Variants in PRKCA observed in about 807,000 individuals in gnomAD.
The protein encoded by PRKCA is protein kinase C alpha.
A neutral mutation model predicts 87.0 loss-of-function variants in PRKCA; 27 were observed. The ratio of observed to expected loss-of-function variants is 0.31; its 90% CI spans 0.23 to 0.43. PRKCA has a LOEUF of 0.43. Among genes scored for constraint, PRKCA ranks in the 20% least tolerant of loss-of-function variants. The pLI, the probability that PRKCA is intolerant of heterozygous loss-of-function variation, is 1.00. For missense variants in PRKCA, 518 were observed against 852.3 expected (o/e 0.61, Z 4.88); for synonymous variants, 329 against 311.1 (o/e 1.06, Z -0.61).
chr17:66,450,223 G>A (rs866222448), intron 2 of PRKCA, among the ~76,000 whole-genome samples: 4 of 152,102 alleles, frequency 2.6e-5, no homozygotes, highest in African/African-American at 4.8e-5. Context: ...ATGCTCATCG[G>A]GGGCCAGCAG....
intron 2 of PRKCA, among the ~76,000 whole-genome samples, chr17:66,373,227 AT>A (rs1457453149): frequency 6.6e-6 from 1 of 152,220 alleles, no homozygotes; most frequent in Non-Finnish European, 1.5e-5. Context: ...TTGTAAAAAA[AT>A]ATCATAATAC....
At chr17:66,421,687 C>A (rs1912505800) in intron 2 of PRKCA, among the ~76,000 whole-genome samples, 1 of 151,088 alleles carries the variant, frequency 6.6e-6, no homozygotes, top group African/African-American at 2.4e-5. Context: ...CACCCGCCAC[C>A]AGGCCTGGCT....
chr17:66,697,530 C>G (rs548793994), intron 8 of PRKCA, among the ~76,000 whole-genome samples: 4 of 152,318 alleles, frequency 2.6e-5, no homozygotes, highest in African/African-American at 7.2e-5. Context: ...ACTCTCTCAC[C>G]TGTAATTCCT....
chr17:66,799,793 A>G lies in PRKCA; in HGVS notation c.1855-4080A>G, dbSNP rs543140334. Among the ~76,000 whole-genome samples, 5 of 151,916 alleles carry G rather than the reference A, an allele frequency of 3.3e-5. No homozygotes were observed. In the South Asian group the frequency reaches 1.0e-3, roughly 32 times the overall value. On this transcript the variant is annotated intron_variant, in intron 16 of 16. Coordinates refer to ENST00000413366, the MANE Select transcript of PRKCA (RefSeq NM_002737.3). The stretch of plus-strand genomic sequence containing the variant: ...TAGTAGATTGTCTATTTCCAGGGCT[A>G]CTTTTGCTAAGAGCTGTGGAAGGCT...
intron 14 of PRKCA, chr17:66,777,985 C>A (rs1322364268): frequency 3.0e-6 from 3 of 985,228 alleles, no homozygotes; most frequent in Admixed American, 1.2e-4. Flanking sequence ...TTGGGGGGTG[C>A]ATTTTGAAGC....
chr17:66,674,207 A>T (rs1002417745), intron 5 of PRKCA, among the ~76,000 whole-genome samples: 1 of 152,110 alleles, frequency 6.6e-6, no homozygotes, highest in Admixed American at 6.5e-5. Flanking sequence ...GACATGGAAC[A>T]CCTTTGGGCT....
At chr17:66,509,701 C>T (rs1395310882) in intron 3 of PRKCA, among the ~76,000 whole-genome samples, 2 of 152,260 alleles carry the variant, frequency 1.3e-5, no homozygotes, top group South Asian at 2.1e-4. Context: ...CCAGTCAAGT[C>T]GGCACATAAA....
chr17:66,636,204 TTA>T (rs1377503308), intron 3 of PRKCA, among the ~76,000 whole-genome samples: 1 of 152,192 alleles, frequency 6.6e-6, no homozygotes, highest in African/African-American at 2.4e-5. Flanking sequence ...TGGGGAGTTT[TTA>T]GGACGAGTTG....
chr17:66,343,387 A>G (rs982714802), intron 2 of PRKCA, among the ~76,000 whole-genome samples: 4 of 152,066 alleles, frequency 2.6e-5, no homozygotes, highest in Non-Finnish European at 5.9e-5. Context: ...TTTGTTATCC[A>G]TCACTGAATG....
chr17:66,587,490 A>G (rs1343843565), intron 3 of PRKCA, among the ~76,000 whole-genome samples: 5 of 152,082 alleles, frequency 3.3e-5, no homozygotes, highest in African/African-American at 1.2e-4. Context: ...TTTACTTGTT[A>G]TATATGATGA....
intron 2 of PRKCA, among the ~76,000 whole-genome samples, chr17:66,376,747 G>A (rs908045563): frequency 8.5e-5 from 13 of 152,148 alleles, no homozygotes; most frequent in African/African-American, 2.2e-4. Context: ...CTGGGGAGCC[G>A]TCCTGGGCAT....
rs58397874 is a variant in PRKCA at position 66,723,063 on chromosome 17, C to T, written c.919-9625C>T. Among the ~76,000 whole-genome samples the T allele has an allele frequency of 5.9e-5, 9 of 152,188 alleles. No homozygotes were observed. The South Asian group carries it at 1.2e-3, about 21-fold the overall frequency. ...CAAGACCCATTGCCTCTCCTGCCCC[C>T]CTTAGGAGGGTGTGGGAGCCCACGG... On this transcript the variant is annotated intron_variant, in intron 8 of 16. Coordinates refer to ENST00000413366, the MANE Select transcript of PRKCA (RefSeq NM_002737.3).
chr17:66,632,970 T>G (rs1971062255), intron 3 of PRKCA, among the ~76,000 whole-genome samples: 2 of 152,244 alleles, frequency 1.3e-5, no homozygotes, highest in Admixed American at 6.5e-5. Flanking sequence ...ATGAGTGTTA[T>G]TCACCAGAAT....
chr17:66,465,915 T>C (rs918882582), intron 2 of PRKCA, among the ~76,000 whole-genome samples: 1 of 152,228 alleles, frequency 6.6e-6, no homozygotes, highest in Non-Finnish European at 1.5e-5. Flanking sequence ...TGACTTTTTT[T>C]TTTAAAGGAG....
At chr17:66,690,685 G>A (rs937259018) in intron 8 of PRKCA, among the ~76,000 whole-genome samples, 3 of 151,930 alleles carry the variant, frequency 2.0e-5, no homozygotes, top group African/African-American at 4.8e-5. Flanking sequence ...AAAATTAGCC[G>A]GGTTTGGTGG....
rs1357636758 is a variant in PRKCA, at chr17:66,809,529, T to C, written c.*5492T>C. 3 of 152,220 alleles carry C rather than the reference T, an allele frequency of 2.0e-5. No individual in the cohort carries two copies. Among genetic ancestry groups the C allele is most frequent in the African/African-American group, 7.2e-5 (3 of 41,460 alleles). 9.4% of individuals were successfully genotyped at this position (152,220 alleles called of 1,614,324 possible). Reference sequence around the variant, plus strand: ...AAATGAGTTTTTAGAACAAAGCAACTGACGATTTCCTAAGATTCCAATGCC... The same window carrying C: ...AAATGAGTTTTTAGAACAAAGCAACCGACGATTTCCTAAGATTCCAATGCC... On this transcript the variant is annotated 3_prime_UTR_variant, in exon 17 of 17. Coordinates refer to ENST00000413366, the MANE Select transcript of PRKCA (RefSeq NM_002737.3).
intron 3 of PRKCA, among the ~76,000 whole-genome samples, chr17:66,497,589 G>A (rs1488655945): frequency 1.3e-5 from 2 of 151,974 alleles, no homozygotes; most frequent in East Asian, 3.9e-4. Context: ...TATATGAAAA[G>A]TAATATTTTA....
chr17:66,358,157 A>AT (rs550297171), intron 2 of PRKCA, among the ~76,000 whole-genome samples: 6,013 of 147,424 alleles, frequency 0.041, 184 homozygotes, highest in Non-Finnish European at 0.064. Flanking sequence ...ATAGAGCACA[A>AT]TTTTTTTTTT....
At position 66,803,916 on chromosome 17, in the gene PRKCA, G is replaced by A. The variant is rs1197371682; in HGVS notation, c.1898G>A (p.Gly633Glu). Residue 633 changes from glycine to glutamate, a missense_variant, in exon 17 of 17, where the codon GGA becomes GAA. Transcript: ENST00000413366. This position sits in a 1 kb window ranked among gnomAD's most constrained non-coding sequence, Gnocchi z 4.4. ...AENFDKFFTR[G>E]QPVLTPPDQL... ...AACTTTGACAAGTTCTTCACACGAG[G>A]ACAGCCCGTCTTAACACCACCTGAT... 6.2e-7 allele frequency: 1 copy of A among 1,613,936 alleles called. No homozygotes were observed.
Sources: gnomAD v4.1 joint callset for allele counts (sites outside exome capture counted in the v4.1 genomes callset) on GRCh38, gnomAD v4.1.1 for gene constraint, Gnocchi (gnomAD v3.1) non-coding constraint, MANE v1.5 for transcripts, NCBI Gene and HGNC (gene_info 2026-07-23, HGNC 2026-07-21) for gene names.